Variants in PDE4D observed in about 807,000 individuals in gnomAD.
The protein encoded by PDE4D is phosphodiesterase 4D, also known as 3',5'-cyclic-AMP phosphodiesterase 4D.
In PDE4D, 24 loss-of-function variants were observed where a neutral mutation model predicts 87.4. The ratio of observed to expected loss-of-function variants is 0.27; its 90% confidence interval spans 0.20 to 0.39. The LOEUF (loss-of-function observed/expected upper bound fraction) is 0.39, where lower values mean the gene tolerates loss of function less well. Ranked by LOEUF, PDE4D falls within the 10% of genes least tolerant of loss-of-function variation. The pLI, the probability that PDE4D is intolerant of heterozygous loss-of-function variation, is 1.00. For synonymous variants in PDE4D, 384 were observed against 383.2 expected (o/e 1.00, Z -0.02); for missense variants, 714 against 1,041.0 (o/e 0.69, Z 4.32).
chr5:60,160,825 T>C, intron 2 of PDE4D: 1 of 453,758 alleles, frequency 2.2e-6, no homozygotes, highest in Non-Finnish European at 4.4e-6. Context: ...GTCCTAAATG[T>C]GGAAATTGAC....
intron 1 of PDE4D, among the ~76,000 whole-genome samples, chr5:59,352,250 ATTC>A (rs1193192219): frequency 5.3e-5 from 8 of 152,028 alleles, no homozygotes; most frequent in Non-Finnish European, 1.0e-4. Context: ...TGAACCTTCA[ATTC>A]TTCTTCTCTT....
chr5:59,633,728 C>T (rs191709585), intron 1 of PDE4D, among the ~76,000 whole-genome samples: 225 of 152,232 alleles, frequency 1.5e-3, no homozygotes, highest in African/African-American at 5.1e-3. Context: ...TACAAGAGCT[C>T]CTGGAGGAAG....
intron 1 of PDE4D, among the ~76,000 whole-genome samples, chr5:59,714,670 C>T (rs902009298): frequency 6.6e-6 from 1 of 152,200 alleles, no homozygotes; most frequent in Non-Finnish European, 1.5e-5. Flanking sequence ...CTCTAGAGAG[C>T]CAGGAACAGT....
At chr5:59,171,918 T>G (rs1215388479) in intron 5 of PDE4D, among the ~76,000 whole-genome samples, 6 of 116,640 alleles carry the variant, frequency 5.1e-5, no homozygotes, top group Non-Finnish European at 9.6e-5. Flanking sequence ...GAGAAATACA[T>G]TATATAATAA....
chr5:59,913,766 T>C (rs1227885229), intron 3 of PDE4D, among the ~76,000 whole-genome samples: 2 of 152,154 alleles, frequency 1.3e-5, no homozygotes, highest in Non-Finnish European at 2.9e-5. Flanking sequence ...AAATATTTAA[T>C]ATTTTAAAAT....
chr5:60,427,883 G>A (rs1312954905), intron 1 of PDE4D, among the ~76,000 whole-genome samples: 1 of 152,036 alleles, frequency 6.6e-6, no homozygotes, highest in Non-Finnish European at 1.5e-5. Context: ...ACCAGCCTGG[G>A]CAATATAGTG....
chr5:59,610,161 A>C lies in PDE4D; in HGVS notation c.455+283007T>G, dbSNP rs180853744. On this transcript the variant is annotated intron_variant, in intron 1 of 14. Coordinates refer to ENST00000340635, the MANE Select transcript of PDE4D (RefSeq NM_001104631.2). ...TCACTGGTAGAGCAGAGACCAGTAC[A>C]AAGTGACATCCTGGGCAGATCCATG... 3.3e-5 allele frequency among the ~76,000 whole-genome samples: 5 copies of C among 152,312 alleles called. No individual in the cohort carries two copies. The East Asian group carries it at 7.7e-4, about 24-fold the overall frequency.
chr5:60,248,165 A>C (rs1239659392), intron 1 of PDE4D, among the ~76,000 whole-genome samples: 1 of 151,974 alleles, frequency 6.6e-6, no homozygotes, highest in Non-Finnish European at 1.5e-5. Context: ...ATGGCCACAG[A>C]ACCTCTCTTT....
At position 59,591,052 on chromosome 5, in the gene PDE4D, T is replaced by A. The variant is rs190651917; in HGVS notation, c.455+302116A>T. Among the ~76,000 whole-genome samples, 242 of 152,282 alleles carry A rather than the reference T, an allele frequency of 1.6e-3. 1 individual carries two copies. The highest frequency in any genetic ancestry group is 5.5e-3 in the African/African-American group (228 of 41,568). ...AGGTCAGCTGAGGGGCAAGGTACTTTGTGCTGGGTCTAGGAAGCCAGGTAC... is the reference window on the plus strand; with the variant it reads ...AGGTCAGCTGAGGGGCAAGGTACTTAGTGCTGGGTCTAGGAAGCCAGGTAC... On this transcript the variant is annotated intron_variant, in intron 1 of 14. Transcript: ENST00000340635.
chr5:60,225,216 A>G (rs1231056317), intron 1 of PDE4D, among the ~76,000 whole-genome samples: 2 of 152,112 alleles, frequency 1.3e-5, no homozygotes, highest in Non-Finnish European at 2.9e-5. Context: ...TGTTCTACCC[A>G]TGTCAAGAGG....
intron 1 of PDE4D, among the ~76,000 whole-genome samples, chr5:59,635,244 T>A (rs1298430837): frequency 1.3e-5 from 2 of 152,104 alleles, no homozygotes; most frequent in African/African-American, 4.8e-5. Flanking sequence ...AGGCAGTAAT[T>A]AATAACTTAC....
chr5:59,462,976 T>A (rs963081403), intron 1 of PDE4D, among the ~76,000 whole-genome samples: 4 of 152,170 alleles, frequency 2.6e-5, no homozygotes, highest in Admixed American at 6.5e-5. Context: ...GAGAGACCCC[T>A]CTATTTATTC....
intron 1 of PDE4D, among the ~76,000 whole-genome samples, chr5:59,798,363 A>T (rs558982999): frequency 9.4e-4 from 143 of 151,802 alleles, no homozygotes; most frequent in African/African-American, 3.2e-3. Flanking sequence ...TCACCAAAAA[A>T]TTTTTTTTAA....
chr5:59,350,191 C>T (rs1354207621), intron 1 of PDE4D, among the ~76,000 whole-genome samples: 9 of 152,112 alleles, frequency 5.9e-5, no homozygotes, highest in Non-Finnish European at 1.5e-5. Context: ...CCTGTCCTTC[C>T]ATGGTCATTG....
At chr5:58,994,873 C>T (rs1381060274) in intron 6 of PDE4D, among the ~76,000 whole-genome samples, 2 of 151,834 alleles carry the variant, frequency 1.3e-5, no homozygotes, top group Non-Finnish European at 2.9e-5. Flanking sequence ...AAGAACTCGT[C>T]ATTTACATTG....
intron 1 of PDE4D, among the ~76,000 whole-genome samples, chr5:59,710,935 T>C (rs532208915): frequency 1.1e-4 from 17 of 152,310 alleles, no homozygotes; most frequent in African/African-American, 3.8e-4. Flanking sequence ...CATAACTCCA[T>C]GTACATTTTA....
intron 1 of PDE4D, among the ~76,000 whole-genome samples, chr5:60,282,069 A>G (rs1751964314): frequency 6.6e-6 from 1 of 151,982 alleles, no homozygotes. Flanking sequence ...TAGAAATAAC[A>G]TCGTTTTAAA....
intron 1 of PDE4D, among the ~76,000 whole-genome samples, chr5:59,539,553 A>G (rs2153683439): frequency 6.6e-6 from 1 of 152,128 alleles, no homozygotes; most frequent in South Asian, 2.1e-4. Flanking sequence ...TTAAAACACC[A>G]TTTCTTTGAA....
chr5:59,656,241 C>T (rs1221939730), intron 1 of PDE4D, among the ~76,000 whole-genome samples: 3 of 152,102 alleles, frequency 2.0e-5, no homozygotes, highest in Non-Finnish European at 2.9e-5. Context: ...ACAGACTTCA[C>T]ATACACATTC....
Sources: gnomAD v4.1 joint callset for allele counts (sites outside exome capture counted in the v4.1 genomes callset) on GRCh38, gnomAD v4.1.1 for gene constraint, MANE v1.5 for transcripts, NCBI Gene and HGNC (gene_info 2026-07-23, HGNC 2026-07-21) for gene names.